KIAA1217: variants seen among roughly 807,000 people sequenced by gnomAD.
KIAA1217 encodes the protein KIAA1217.
Under a neutral mutation model 163.9 loss-of-function variants are expected in KIAA1217, and 88 were observed. That is an observed-to-expected ratio of 0.54 (90% CI 0.45 to 0.64). KIAA1217 has a LOEUF of 0.64. Ranked by LOEUF, KIAA1217 falls within the 30% of genes least tolerant of loss-of-function variation. The pLI, the probability that KIAA1217 is intolerant of heterozygous loss-of-function variation, is 0.00. For synonymous variants in KIAA1217, 903 were observed against 923.1 expected (o/e 0.98, Z 0.39); for missense variants, 2,372 against 2,475.0 (o/e 0.96, Z 0.88).
intron 3 of KIAA1217, among the ~76,000 whole-genome samples, chr10:24,411,895 A>T (rs1006450380): frequency 6.6e-6 from 1 of 152,144 alleles, no homozygotes; most frequent in South Asian, 2.1e-4. Flanking sequence ...TCAGTAGGAA[A>T]TCGCTAATGG....
At chr10:24,044,431 G>A (rs922281787) in intron 2 of KIAA1217, among the ~76,000 whole-genome samples, 3 of 152,094 alleles carry the variant, frequency 2.0e-5, no homozygotes, top group South Asian at 2.1e-4. Flanking sequence ...TAATCTTGAC[G>A]TAGCTTATCA....
intron 2 of KIAA1217, among the ~76,000 whole-genome samples, chr10:24,157,116 C>T (rs1374663129): frequency 6.6e-6 from 1 of 152,214 alleles, no homozygotes; most frequent in Non-Finnish European, 1.5e-5. Context: ...TTGTCCATTT[C>T]ACATTCTTAG....
chr10:24,407,301 C>T (rs915389594), intron 3 of KIAA1217, among the ~76,000 whole-genome samples: 3 of 151,430 alleles, frequency 2.0e-5, no homozygotes, highest in African/African-American at 4.9e-5. Flanking sequence ...CGTGTGCGTG[C>T]GCGTGCGCAT....
chr10:24,219,980 T>G lies in KIAA1217; in HGVS notation c.354+71T>G. ...GAACATCGAGGAAAGCAAACTTACT[T>G]TCTTTGTAAAAGGTAAAGGATAGCT... On this transcript the variant is annotated intron_variant, in intron 2 of 20. Transcript: ENST00000376454. The G allele has an allele frequency of 5.5e-6, 8 of 1,456,506 alleles. No individual in the cohort carries two copies. In the South Asian group the frequency reaches 1.1e-4, roughly 20 times the overall value. 90.2% of individuals were successfully genotyped at this position (1,456,506 alleles called of 1,614,324 possible). A position where few individuals can be genotyped will look rare whatever the true frequency, so the allele number is the denominator to read the frequency against.
At position 24,230,497 on chromosome 10, in the gene KIAA1217, G is replaced by GT. The variant is rs1466924722; in HGVS notation, c.354+10592dup. Among the ~76,000 whole-genome samples, 374 of 48,176 alleles carry GT rather than the reference G, an allele frequency of 7.8e-3. 2 individuals are homozygous for GT. The highest frequency in any genetic ancestry group is 0.013 in the African/African-American group (155 of 11,806). The allele number at this position is 48,176 out of a possible 152,430, so 31.6% of individuals were successfully genotyped here. ...CTCTGTTGGGTAGGCACTACTATTT[G>GT]TTTTGTTTTTTTTTTTTTTTTTTTT... On this transcript the variant is annotated intron_variant, in intron 2 of 20. Coordinates refer to ENST00000376454, the MANE Select transcript of KIAA1217 (RefSeq NM_019590.5).
intron 5 of KIAA1217, among the ~76,000 whole-genome samples, chr10:24,441,985 C>T (rs2060534286): frequency 6.6e-6 from 1 of 152,140 alleles, no homozygotes; most frequent in Non-Finnish European, 1.5e-5. Flanking sequence ...GCTTCTCCAC[C>T]TTCTTGTGTG....
intron 2 of KIAA1217, among the ~76,000 whole-genome samples, chr10:24,356,657 G>A (rs908294612): frequency 1.3e-5 from 2 of 152,168 alleles, no homozygotes; most frequent in African/African-American, 4.8e-5. Context: ...TTGGAAGCAC[G>A]TTCCTAAGAA....
At chr10:24,101,867 T>C (rs928537173) in intron 2 of KIAA1217, among the ~76,000 whole-genome samples, 5 of 152,188 alleles carry the variant, frequency 3.3e-5, no homozygotes, top group African/African-American at 4.8e-5. Flanking sequence ...ATTTTTAGTG[T>C]AAAATGTGAC....
intron 2 of KIAA1217, among the ~76,000 whole-genome samples, chr10:24,377,018 G>A (rs942629252): frequency 6.6e-6 from 1 of 152,164 alleles, no homozygotes; most frequent in Non-Finnish European, 1.5e-5. Flanking sequence ...CTTTCATTAG[G>A]AAGAGAATAT....
intron 1 of KIAA1217, among the ~76,000 whole-genome samples, chr10:23,879,026 CG>C (rs1764198572): frequency 6.6e-6 from 1 of 151,902 alleles, no homozygotes; most frequent in Non-Finnish European, 1.5e-5. Context: ...TAGACATCCA[CG>C]TGTAGAAATC....
At chr10:23,730,469 CT>C (rs1299732298) in intron 1 of KIAA1217, among the ~76,000 whole-genome samples, 1 of 152,090 alleles carries the variant, frequency 6.6e-6, no homozygotes, top group Non-Finnish European at 1.5e-5. Flanking sequence ...ACGTTATTTT[CT>C]TTCTGAGTAT....
At chr10:23,738,233 C>T (rs1838919325) in intron 1 of KIAA1217, among the ~76,000 whole-genome samples, 1 of 151,968 alleles carries the variant, frequency 6.6e-6, no homozygotes, top group South Asian at 2.1e-4. Context: ...TATTTCTGCT[C>T]ATTAAGTTTC....
chr10:24,186,885 G>A (rs1041661693), intron 2 of KIAA1217, among the ~76,000 whole-genome samples: 5 of 152,006 alleles, frequency 3.3e-5, no homozygotes, highest in East Asian at 1.9e-4. Flanking sequence ...GTGAGACTCC[G>A]TCTAAAAAAA....
rs763422691 is a variant in KIAA1217 at position 23,748,461 on chromosome 10, C to CAAGGAAGGAAGGAAGGAAGG, written c.-321+53238_-321+53257dup. ...TTCTGGAAGGAAGGAAGGAAGGAAG[C>CAAGGAAGGAAGGAAGGAAGG]AAGGAAGGAAGGAAGGAAGGAAGGA... On this transcript the variant is annotated intron_variant, in intron 1 of 18. Coordinates refer to the KIAA1217 transcript ENST00000376462. Among the ~76,000 whole-genome samples the CAAGGAAGGAAGGAAGGAAGG allele has an allele frequency of 3.3e-3, 446 of 133,620 alleles. 3 individuals carry two copies. The highest frequency in any genetic ancestry group is 4.8e-3 in the Admixed American group (62 of 12,824). The allele number at this position is 133,620 out of a possible 152,430, so 87.7% of individuals were successfully genotyped here.
At chr10:24,233,718 A>T (rs1346019426) in intron 2 of KIAA1217, among the ~76,000 whole-genome samples, 2 of 152,240 alleles carry the variant, frequency 1.3e-5, no homozygotes, top group Non-Finnish European at 2.9e-5. Context: ...TCAGTATTGC[A>T]TAGATATTCA....
chr10:24,248,108 C>G (rs2074032810), intron 2 of KIAA1217, among the ~76,000 whole-genome samples: 1 of 152,084 alleles, frequency 6.6e-6, no homozygotes, highest in African/African-American at 2.4e-5. Context: ...GGAAGCAGTT[C>G]TCTTTTTCTT....
intron 9 of KIAA1217, among the ~76,000 whole-genome samples, chr10:24,506,134 C>T (rs1237766326): frequency 6.6e-6 from 1 of 152,208 alleles, no homozygotes; most frequent in Non-Finnish European, 1.5e-5. Context: ...ACCCCAATAA[C>T]ATGGGTTATA....
chr10:24,409,226 T>A (rs1256351869), intron 3 of KIAA1217, among the ~76,000 whole-genome samples: 1 of 152,198 alleles, frequency 6.6e-6, no homozygotes, highest in African/African-American at 2.4e-5. Flanking sequence ...CCACTTTACT[T>A]TTGTACTTAT....
chr10:23,874,795 C>A (rs552735248), intron 1 of KIAA1217, among the ~76,000 whole-genome samples: 1 of 151,910 alleles, frequency 6.6e-6, no homozygotes, highest in South Asian at 2.1e-4. Context: ...GTCACTATTA[C>A]AAATAATCAT....
Sources: allele counts gnomAD v4.1 joint callset (sites outside exome capture counted in the v4.1 genomes callset), GRCh38; gene constraint gnomAD v4.1.1; transcripts MANE v1.5; gene names NCBI Gene and HGNC (gene_info 2026-07-23, HGNC 2026-07-21).